PDP1: variants seen among roughly 807,000 people sequenced by gnomAD.
PDP1 encodes pyruvate dehyrogenase phosphatase catalytic subunit 1.
PDP1 carries 14 observed loss-of-function variants against 37.1 expected under a neutral mutation model. That is an observed-to-expected ratio of 0.38 (90% CI 0.25 to 0.59). The LOEUF (loss-of-function observed/expected upper bound fraction) is 0.59. PDP1 is among the 20% of genes least tolerant of loss of function. PDP1 has a pLI of 0.67. For missense variants in PDP1, 544 were observed against 655.3 expected, an observed-to-expected ratio of 0.83 and a Z score of 1.85; for synonymous variants, 251 against 243.3, an observed-to-expected ratio of 1.03 and a Z score of -0.29.
At position 93,923,848 on chromosome 8, in the gene PDP1, A is replaced by G. The variant is rs1810364245; in HGVS notation, c.*175A>G. On this transcript the variant is annotated 3_prime_UTR_variant, in exon 2 of 2. Transcript: ENST00000297598. The surrounding 1 kb of genome is among the most constrained non-coding windows in gnomAD (Gnocchi z 4.3). ...TTTGCAGCAGGGTGGCAGGGTCAGG[A>G]GAGTCTGGTCCTGCCTAGCTCAGAT... is the stretch of plus-strand genomic sequence containing the variant. 1 of 648,594 alleles carries G rather than the reference A, an allele frequency of 1.5e-6. No individual in the cohort carries two copies. Among genetic ancestry groups the G allele is most frequent in the Admixed American group, 2.2e-5 (1 of 44,976 alleles). 40.2% of individuals were successfully genotyped at this position (648,594 alleles called of 1,614,324 possible).
Position 93,922,972 on chromosome 8 carries a change from T to C in PDP1, c.913T>C (p.Trp305Arg), listed in dbSNP as rs149633208. ...MLGVQEEDGS[W>R]SAVTLSNDHN... ...GGGTGTGCAGGAAGAGGACGGCTCA[T>C]GGTCAGCAGTCACGCTGTCTAATGA... The change falls in exon 2 of 2, where the codon TGG becomes CGG. Residue 305 changes from tryptophan (W) to arginine (R), a missense_variant. This residue lies in a region of PDP1 where 342 missense variants were observed against 414.0 expected (regional missense o/e 0.83). Coordinates refer to ENST00000297598, the MANE Select transcript of PDP1 (RefSeq NM_018444.4). This position sits in a 1 kb window ranked among gnomAD's most constrained non-coding sequence, Gnocchi z 4.0. The C allele has an allele frequency of 1.2e-5, 19 of 1,614,028 alleles. No individual in the cohort carries two copies.
At chr8:93,917,566 G>A (rs1019548982) in intron 1 of PDP1, among the ~76,000 whole-genome samples, 1 of 152,136 alleles carries the variant, frequency 6.6e-6, no homozygotes, top group African/African-American at 2.4e-5. Context: ...CAGTCCATGG[G>A]CTTCGCGCCC....
At chr8:93,917,327 C>T (rs1810099805) in intron 1 of PDP1, 1 of 152,372 alleles carries the variant, frequency 6.6e-6, no homozygotes, top group African/African-American at 2.4e-5. Context: ...CTTCCGGCCC[C>T]TGCGCTCCAG....
rs144036151 is a variant in PDP1, at chr8:93,923,738, A to G, written c.*65A>G. On this transcript the variant is annotated 3_prime_UTR_variant, in exon 2 of 2. Transcript: ENST00000297598. This position sits in a 1 kb window ranked among gnomAD's most constrained non-coding sequence, Gnocchi z 4.3. ...TTTAAAGGGCAGATTTTTTAAAAAG[A>G]TACTACTATAATAAACATTTCCAGT... is the stretch of plus-strand genomic sequence containing the variant. 722 of 1,242,224 alleles carry G rather than the reference A, an allele frequency of 5.8e-4. 5 individuals carry two copies. The African/African-American group carries it at 9.2e-3, about 16-fold the overall frequency. The allele number at this position is 1,242,224 out of a possible 1,614,324, so 77.0% of individuals were successfully genotyped here.
At position 93,922,551 on chromosome 8, in the gene PDP1, T is replaced by C. The variant is rs780250994; in HGVS notation, c.492T>C (p.Ala164=). The part of the protein sequence containing the change: ...AVSERLFYYI[A]VSLLPHETLL... ...GTGAAAGACTCTTTTATTATATTGC[T>C]GTCTCTTTGTTACCCCATGAGACTT... Residue 164 remains alanine, a synonymous_variant, in exon 2 of 2, where the codon GCT becomes GCC. Coordinates refer to ENST00000297598, the MANE Select transcript of PDP1 (RefSeq NM_018444.4). This position sits in a 1 kb window ranked among gnomAD's most constrained non-coding sequence, Gnocchi z 4.0. 2 of 1,613,920 alleles carry C rather than the reference T, an allele frequency of 1.2e-6. No individual in the cohort carries two copies. Among genetic ancestry groups the C allele is most frequent in the South Asian group, 2.2e-5 (2 of 91,088 alleles).
intron 1 of PDP1, 86 bp downstream of exon 1, chr8:93,917,165 CGCGGATCGGCGGCCGCGGGCGT>C: frequency 2.4e-6 from 1 of 409,318 alleles, no homozygotes; most frequent in Non-Finnish European, 4.7e-6. Flanking sequence ...CGGGCGTGCT[CGCGGATCGGCGGCCGCGGGCGT>C]GCGGAGGGCT....
chr8:93,917,808 C>A, intron 1 of PDP1: 1 of 1,602,304 alleles, frequency 6.2e-7, no homozygotes, highest in Non-Finnish European at 8.5e-7. Flanking sequence ...CCGCCGCCTC[C>A]TCTAATGAGC....
In PDP1 at chr8:93,922,765, C is replaced by T. The variant is rs772866221; in HGVS notation, c.706C>T (p.Leu236=). Reference sequence around the variant, plus strand: ...GACTGATATTGATGTTAAGGAGGCTCTAATTAATGCCTTCAAGAGGCTTGA... The same window carrying T: ...GACTGATATTGATGTTAAGGAGGCTTTAATTAATGCCTTCAAGAGGCTTGA... ...ESTDIDVKEA[L]INAFKRLDND... is the part of the protein sequence containing the mutation. The change falls in exon 2 of 2, where the codon CTA becomes TTA. Residue 236 remains leucine, a synonymous_variant. Coordinates refer to ENST00000297598, the MANE Select transcript of PDP1 (RefSeq NM_018444.4). The surrounding 1 kb of genome is among the most constrained non-coding windows in gnomAD (Gnocchi z 4.0). 2 of 1,614,192 alleles carry T rather than the reference C, an allele frequency of 1.2e-6. No individual in the cohort carries two copies. Among genetic ancestry groups the T allele is most frequent in the South Asian group, 1.1e-5 (1 of 91,084 alleles).
At position 93,924,164 on chromosome 8, in the gene PDP1, T is replaced by G. The variant is rs41272417; in HGVS notation, c.*491T>G. The G allele has an allele frequency of 5.9e-3, 990 of 168,806 alleles. 10 individuals are homozygous for G. The highest frequency in any genetic ancestry group is 0.023 in the African/African-American group (957 of 41,566). 10.5% of individuals were successfully genotyped at this position (168,806 alleles called of 1,614,324 possible). ...ATACATTTATTTTAGCCTAAAGTGG[T>G]TTTCAAATCCAGTTCTTCAAGCCAT... is the stretch of plus-strand genomic sequence containing the variant. On this transcript the variant is annotated 3_prime_UTR_variant, in exon 2 of 2. Transcript: ENST00000297598.
At chr8:93,920,590 C>A (rs1413294336) in intron 1 of PDP1, 2 of 955,864 alleles carry the variant, frequency 2.1e-6, no homozygotes, top group East Asian at 1.2e-4. Context: ...CAAATAAATG[C>A]CCAGAAATTA....
intron 1 of PDP1, 101 bp from the exon 2 acceptor site, chr8:93,921,915 T>C (rs1467234958): frequency 1.3e-6 from 1 of 771,322 alleles, no homozygotes; most frequent in Non-Finnish European, 2.1e-6. Context: ...GCTTAACATG[T>C]AGATTGACTT....
intron 1 of PDP1, among the ~76,000 whole-genome samples, chr8:93,919,300 G>A (rs1425389913): frequency 2.0e-5 from 3 of 152,232 alleles, no homozygotes; most frequent in African/African-American, 4.8e-5. Flanking sequence ...GGCTGAGGCG[G>A]GTGGATGGCC....
Position 93,922,668 on chromosome 8 carries a change from G to A in PDP1, c.609G>A (p.Glu203=), listed in dbSNP as rs1380484397. ...ACCCCAATGATTACTTTAGTAAGGAGGCATCCAAATTGTACTTTAACAGCT... is the reference window on the plus strand; with the variant it reads ...ACCCCAATGATTACTTTAGTAAGGAAGCATCCAAATTGTACTTTAACAGCT... ...HKHPNDYFSK[E]ASKLYFNSLR... Residue 203 remains glutamate (E), a synonymous_variant, in exon 2 of 2, where the codon GAG becomes GAA. Coordinates refer to ENST00000297598, the MANE Select transcript of PDP1 (RefSeq NM_018444.4). The surrounding 1 kb of genome is among the most constrained non-coding windows in gnomAD (Gnocchi z 4.0). 6.2e-7 allele frequency: 1 copy of A among 1,614,158 alleles called. No homozygotes were observed. Among genetic ancestry groups the A allele is most frequent in the East Asian group, 2.2e-5 (1 of 44,882 alleles).
chr8:93,923,419 A>G lies in PDP1; in HGVS notation c.1360A>G (p.Thr454Ala), dbSNP rs1318736953. ...AATAGCTGTTGGTGGCTACAAGGTG[A>G]CTCTGGGACAGATGCATGGCCTTTT... ...QPIAVGGYKV[T>A]LGQMHGLLTE... Residue 454 changes from threonine to alanine, a missense_variant, in exon 2 of 2, where the codon ACT becomes GCT. Physicochemically the swap from Thr to Ala is moderately conservative, Grantham distance 58. This residue lies in a region of PDP1 where 159 missense variants were observed against 165.5 expected (regional missense o/e 0.96). Transcript: ENST00000297598. The surrounding 1 kb of genome is among the most constrained non-coding windows in gnomAD (Gnocchi z 4.3). 6.2e-7 allele frequency: 1 copy of G among 1,600,682 alleles called. No homozygotes were observed. Among genetic ancestry groups the G allele is most frequent in the Admixed American group, 1.7e-5 (1 of 58,706 alleles).
rs761727112 is a variant in PDP1 at position 93,922,170 on chromosome 8, G to A, written c.111G>A (p.Ser37=). ...ACAAACATCTCTGTTGTTCCTCATC[G>A]TACATTCCTCAGAGTCGACTGAGAT... ...CHHKHLCCSS[S]YIPQSRLRYT... Residue 37 remains serine (S), a synonymous_variant, in exon 2 of 2, where the codon TCG becomes TCA. Coordinates refer to ENST00000297598, the MANE Select transcript of PDP1 (RefSeq NM_018444.4). The surrounding 1 kb of genome is among the most constrained non-coding windows in gnomAD (Gnocchi z 4.0). 14 of 1,613,982 alleles carry A rather than the reference G, an allele frequency of 8.7e-6. No homozygotes were observed. The highest frequency in any genetic ancestry group is 5.0e-5 in the Admixed American group (3 of 59,998).
chr8:93,919,619 C>T (rs1432356348), intron 1 of PDP1, among the ~76,000 whole-genome samples: 1 of 151,546 alleles, frequency 6.6e-6, no homozygotes, highest in African/African-American at 2.4e-5. Context: ...CTCCCTCCCC[C>T]CCACACAAAT....
Position 93,922,849 on chromosome 8 carries a change from G to A in PDP1, c.790G>A (p.Val264Met). Residue 264 changes from valine (V) to methionine (M), a missense_variant, in exon 2 of 2, where the codon GTG (valine) becomes ATG (methionine). By Grantham distance (21) the Val-to-Met change is conservative. This residue lies in a region of PDP1 where 342 missense variants were observed against 414.0 expected (regional missense o/e 0.83). Coordinates refer to ENST00000297598, the MANE Select transcript of PDP1 (RefSeq NM_018444.4). This position sits in a 1 kb window ranked among gnomAD's most constrained non-coding sequence, Gnocchi z 4.0. ...GDPNSFLNYLVLRVAFSGATA... is the reference protein window; with the variant it reads ...GDPNSFLNYLMLRVAFSGATA... The stretch of plus-strand genomic sequence containing the variant: ...TCCTAATTCTTTTCTCAACTACCTG[G>A]TGCTTCGAGTGGCATTTTCTGGAGC... The A allele has an allele frequency of 6.2e-7, 1 of 1,614,162 alleles. No homozygotes were observed. Among genetic ancestry groups the A allele is most frequent in the Non-Finnish European group, 8.5e-7 (1 of 1,180,034 alleles).
At chr8:93,919,739 A>C (rs980084534) in intron 1 of PDP1, 10 of 152,122 alleles carry the variant, frequency 6.6e-5, no homozygotes, top group African/African-American at 2.4e-4. Flanking sequence ...TTATGAAGAA[A>C]AATTCATTAA....
chr8:93,925,579 T>G lies in PDP1; in HGVS notation c.*1906T>G, dbSNP rs567078023. The G allele has an allele frequency of 1.0e-4, 17 of 167,074 alleles. No individual in the cohort carries two copies. Among genetic ancestry groups the G allele is most frequent in the African/African-American group, 3.6e-4 (15 of 41,580 alleles). 10.3% of individuals were successfully genotyped at this position (167,074 alleles called of 1,614,324 possible). On this transcript the variant is annotated 3_prime_UTR_variant, in exon 2 of 2. Coordinates refer to ENST00000297598, the MANE Select transcript of PDP1 (RefSeq NM_018444.4). Reference sequence around the variant, plus strand: ...ATATAAAATTGGTTTCCTGTGGTCATGATCAAGATAGTAGTATTATTACAC... The same window carrying G: ...ATATAAAATTGGTTTCCTGTGGTCAGGATCAAGATAGTAGTATTATTACAC...
Sources: gnomAD v4.1 joint callset for allele counts (sites outside exome capture counted in the v4.1 genomes callset) on GRCh38, gnomAD v4.1.1 for gene constraint, gnomAD v4.1.1 regional missense constraint, Gnocchi (gnomAD v3.1) non-coding constraint, MANE v1.5 for transcripts, NCBI Gene and HGNC (gene_info 2026-07-23, HGNC 2026-07-21) for gene names.